The following GSE1 variants were observed in gnomAD, a reference collection of about 807,000 sequenced individuals.
GSE1 encodes Gse1 coiled-coil protein.
Under a neutral mutation model 112.6 loss-of-function variants are expected in GSE1, and 32 were observed. The observed-to-expected ratio is 0.28, with a 90% CI of 0.21 to 0.38. The LOEUF (loss-of-function observed/expected upper bound fraction) is 0.38, where lower values mean the gene tolerates loss of function less well. Ranked by LOEUF, GSE1 falls within the 10% of genes least tolerant of loss-of-function variation. GSE1 has a pLI of 1.00. For missense variants in GSE1, 2,348 were observed against 1,699.2 expected (o/e 1.38, Z -6.71); for synonymous variants, 1,115 against 735.6 (o/e 1.52, Z -8.35).
intron 2 of GSE1, among the ~76,000 whole-genome samples, chr16:85,514,011 C>A (rs1213377219): frequency 6.6e-6 from 1 of 152,106 alleles, no homozygotes; most frequent in African/African-American, 2.4e-5. Flanking sequence ...ATCCCTGGGG[C>A]CTCCTAAAGA....
At chr16:85,371,128 C>T (rs915238791) in intron 2 of GSE1, among the ~76,000 whole-genome samples, 4 of 152,224 alleles carry the variant, frequency 2.6e-5, no homozygotes, top group Admixed American at 6.5e-5. Context: ...TGCTCCGCCC[C>T]CCTCGTTCCT....
intron 1 of GSE1, among the ~76,000 whole-genome samples, chr16:85,260,747 C>T (rs577252591): frequency 1.2e-3 from 190 of 152,354 alleles, no homozygotes; most frequent in African/African-American, 4.4e-3. Flanking sequence ...GTTCCCCTGC[C>T]CATGTGCCCA....
intron 14 of GSE1, among the ~76,000 whole-genome samples, chr16:85,669,751 G>T (rs2053175198): frequency 6.6e-6 from 1 of 152,102 alleles, no homozygotes; most frequent in Admixed American, 6.5e-5. Flanking sequence ...TTCCTGTTCT[G>T]CGTAGGATTC....
rs752012364 is a variant in GSE1 at position 85,668,158 on chromosome 16, C to T, written c.3149C>T (p.Ser1050Phe). Reference protein sequence around the residue: ...QKHKGSVAVLSAEQNHKVDTS... With the variant: ...QKHKGSVAVLFAEQNHKVDTS... The stretch of plus-strand genomic sequence containing the variant: ...TCCACAGGGAGCGTGGCTGTGCTGT[C>T]TGCAGAGCAGAACCACAAGGTTGAC... Residue 1050 changes from serine (S) to phenylalanine (F), a missense_variant, in exon 14 of 16, where the codon TCT becomes TTT. By Grantham distance (155) the Ser-to-Phe change is radical (BLOSUM62 -2). Transcript: ENST00000253458. The T allele has an allele frequency of 1.3e-6, 2 of 1,595,688 alleles. No individual in the cohort carries two copies. Among genetic ancestry groups the T allele is most frequent in the Non-Finnish European group, 8.6e-7 (1 of 1,169,206 alleles).
chr16:85,307,978 G>A (rs1279065068), intron 1 of GSE1, among the ~76,000 whole-genome samples: 2 of 152,190 alleles, frequency 1.3e-5, no homozygotes, highest in Non-Finnish European at 2.9e-5. Context: ...CTGATAGCAG[G>A]TTCTAGATCC....
At chr16:85,208,779 G>A (rs1021770083) in intron 1 of GSE1, among the ~76,000 whole-genome samples, 9 of 151,942 alleles carry the variant, frequency 5.9e-5, no homozygotes, top group South Asian at 2.1e-4. Flanking sequence ...GGTGGGGTTC[G>A]CCGCGTGTTG....
At chr16:85,209,386 C>T (rs978516191) in intron 1 of GSE1, among the ~76,000 whole-genome samples, 16 of 152,158 alleles carry the variant, frequency 1.1e-4, no homozygotes, top group Non-Finnish European at 1.5e-4. Flanking sequence ...GCCTGGCTCC[C>T]GTGCCCCCGC....
chr16:85,669,953 G>C (rs2053195177), intron 14 of GSE1, among the ~76,000 whole-genome samples: 2 of 152,220 alleles, frequency 1.3e-5, no homozygotes, highest in Non-Finnish European at 2.9e-5. Flanking sequence ...TTTAGCCCAT[G>C]GCTTTCCCCC....
At chr16:85,204,067 G>C (rs1020797654) in intron 1 of GSE1, among the ~76,000 whole-genome samples, 1 of 152,190 alleles carries the variant, frequency 6.6e-6, no homozygotes, top group Admixed American at 6.5e-5. Flanking sequence ...GCCGTGCCTG[G>C]CCAATTTCCC....
intron 2 of GSE1, among the ~76,000 whole-genome samples, chr16:85,521,713 G>T (rs185236104): frequency 3.7e-4 from 57 of 152,370 alleles, no homozygotes; most frequent in Middle Eastern, 6.8e-3. Flanking sequence ...TGGAGGAGCA[G>T]GAGTGTGTTG....
exon 1 of GSE1, chr16:85,171,321 G>C: frequency 1.0e-6 from 1 of 985,560 alleles, no homozygotes; most frequent in Non-Finnish European, 1.2e-6. Context: ...GTGGGGCTGA[G>C]CTGGGCCCCG....
intron 1 of GSE1, among the ~76,000 whole-genome samples, chr16:85,261,874 G>A (rs1035148710): frequency 6.6e-6 from 1 of 152,190 alleles, no homozygotes; most frequent in African/African-American, 2.4e-5. Flanking sequence ...GTGATTTGGT[G>A]CCCGCTTTGG....
intron 2 of GSE1, among the ~76,000 whole-genome samples, chr16:85,520,195 C>G (rs2052133590): frequency 1.3e-5 from 2 of 152,156 alleles, no homozygotes; most frequent in African/African-American, 4.8e-5. Context: ...TGCCCTCTCG[C>G]TGTATCCTCA....
In GSE1 at chr16:85,624,177, C is replaced by T. The variant is rs556998531; in HGVS notation, c.8-9737C>T. ...ACGGAAACTTGGAGACCTCAGTGCC[C>T]GCCCTGGGGTGGGGGAGCCAGGTTG... On this transcript the variant is annotated intron_variant, in intron 1 of 15. Transcript: ENST00000253458. Among the ~76,000 whole-genome samples, 4 of 152,336 alleles carry T rather than the reference C, an allele frequency of 2.6e-5. No individual in the cohort carries two copies. In the East Asian group the frequency reaches 5.8e-4, roughly 22 times the overall value.
At chr16:85,588,261 A>G (rs559081656) in intron 1 of GSE1, among the ~76,000 whole-genome samples, 1 of 152,218 alleles carries the variant, frequency 6.6e-6, no homozygotes, top group South Asian at 2.1e-4. Context: ...CATTCCCTAC[A>G]TGGCATCGGC....
intron 2 of GSE1, among the ~76,000 whole-genome samples, chr16:85,455,715 G>T (rs1311544851): frequency 6.6e-6 from 1 of 152,248 alleles, no homozygotes; most frequent in Admixed American, 6.5e-5. Flanking sequence ...AGGTGGCCAA[G>T]ACTTCCCACA....
chr16:85,547,646 C>T (rs764614003), intron 2 of GSE1, among the ~76,000 whole-genome samples: 10 of 151,690 alleles, frequency 6.6e-5, no homozygotes, highest in Admixed American at 3.3e-4. Context: ...TTTGGGAGGC[C>T]GGGGAGGGTG....
rs372688238 is a variant in GSE1 at position 85,359,742 on chromosome 16, C to T, written c.2464+2099C>T. ...ACAGTAGTGAGCGAGGGGGATGGGG[C>T]ACGAACCCCGACGTCTGGCTCCCGC... is the stretch of plus-strand genomic sequence containing the variant. On this transcript the variant is annotated intron_variant, in intron 2 of 2. Coordinates refer to the GSE1 transcript ENST00000637419. 1.8e-3 allele frequency among the ~76,000 whole-genome samples: 280 copies of T among 152,326 alleles called. 1 individual carries two copies. Among genetic ancestry groups the T allele is most frequent in the African/African-American group, 6.3e-3 (261 of 41,576 alleles).
At chr16:85,461,045 C>G (rs1304655137) in intron 2 of GSE1, among the ~76,000 whole-genome samples, 1 of 152,206 alleles carries the variant, frequency 6.6e-6, no homozygotes, top group African/African-American at 2.4e-5. Context: ...AAGGGAGACC[C>G]AGGGACCCTC....
Sources: allele counts gnomAD v4.1 joint callset (sites outside exome capture counted in the v4.1 genomes callset), GRCh38; gene constraint gnomAD v4.1.1; transcripts MANE v1.5; gene names NCBI Gene and HGNC (gene_info 2026-07-23, HGNC 2026-07-21).